WDPCP: variants seen among roughly 807,000 people sequenced by gnomAD.
The protein encoded by WDPCP is WD repeat containing planar cell polarity effector.
Under a neutral mutation model 93.1 loss-of-function variants are expected in WDPCP, and 71 were observed. The ratio of observed to expected loss-of-function variants is 0.76; its 90% CI spans 0.63 to 0.93. The LOEUF is 0.93. WDPCP is among the 40% of genes least tolerant of loss of function. WDPCP has a pLI of 0.00. For missense variants in WDPCP, 844 were observed against 887.4 expected (o/e 0.95, Z 0.62); for synonymous variants, 315 against 315.0 (o/e 1.00, Z 0.00).
At chr2:63,800,126 A>G (rs957447810) in intron 2 of WDPCP, among the ~76,000 whole-genome samples, 1 of 152,192 alleles carries the variant, frequency 6.6e-6, no homozygotes, top group Admixed American at 6.5e-5. Flanking sequence ...CACTGATCCC[A>G]AATAAGGCAT....
intron 10 of WDPCP, among the ~76,000 whole-genome samples, chr2:63,401,755 A>G (rs1440149908): frequency 6.6e-6 from 1 of 152,172 alleles, no homozygotes; most frequent in Admixed American, 6.5e-5. Context: ...CCGTGAGCTG[A>G]GATCACGCCA....
At chr2:63,607,093 A>C in intron 3 of WDPCP, 5 of 1,172,820 alleles carry the variant, frequency 4.3e-6, no homozygotes, top group Non-Finnish European at 5.9e-6. Context: ...CTTGTGAAAA[A>C]CAACACATTT....
intron 13 of WDPCP, among the ~76,000 whole-genome samples, chr2:63,292,153 AAAAAG>A (rs1280860814): frequency 1.1e-4 from 17 of 147,914 alleles, no homozygotes; most frequent in Admixed American, 6.0e-4. Flanking sequence ...AAAAAAAAAG[AAAAAG>A]AAAAGAAAAG....
intron 2 of WDPCP, among the ~76,000 whole-genome samples, chr2:63,778,193 C>T (rs1670332183): frequency 6.8e-6 from 1 of 146,096 alleles, no homozygotes; most frequent in African/African-American, 2.7e-5. Context: ...TTGTCTCTCC[C>T]TTGTCCACTT....
chr2:63,175,635 T>C (rs1040647292), intron 14 of WDPCP, among the ~76,000 whole-genome samples: 1 of 152,194 alleles, frequency 6.6e-6, no homozygotes, highest in African/African-American at 2.4e-5. Context: ...TTATTTTCTG[T>C]TTCTATGAAT....
At chr2:63,468,044 A>AC (rs1459810013) in intron 6 of WDPCP, among the ~76,000 whole-genome samples, 3 of 152,160 alleles carry the variant, frequency 2.0e-5, no homozygotes, top group African/African-American at 7.2e-5. Flanking sequence ...CCAACGACTG[A>AC]GCATCACTGG....
At chr2:63,822,870 GAT>G (rs948009921) in intron 1 of WDPCP, among the ~76,000 whole-genome samples, 130 of 150,392 alleles carry the variant, frequency 8.6e-4, no homozygotes, top group Non-Finnish European at 1.4e-3. Context: ...ATATATATTT[GAT>G]ATATATATTT....
rs992200808 is a variant in WDPCP, at chr2:63,823,669, C to CACACTCTCCCCCTAAAT, written n.222+3936_222+3952dup. Among the ~76,000 whole-genome samples, 7 of 152,210 alleles carry CACACTCTCCCCCTAAAT rather than the reference C, an allele frequency of 4.6e-5. No homozygotes were observed. The East Asian group carries it at 7.7e-4, about 17-fold the overall frequency. Reference sequence around the variant, plus strand: ...AAGTTGCAAACATCATAGACATCATCACACTCTCCCCCTAAATACACTCTC... The same window carrying CACACTCTCCCCCTAAAT: ...AAGTTGCAAACATCATAGACATCATCACACTCTCCCCCTAAATACACTCTCCCCCTAAATACACTCTC... On this transcript the variant is annotated intron_variant and non_coding_transcript_variant, in intron 1 of 4. Coordinates refer to the WDPCP transcript ENST00000467687.
chr2:63,266,613 C>G (rs1416716060), intron 13 of WDPCP, among the ~76,000 whole-genome samples: 1 of 152,170 alleles, frequency 6.6e-6, no homozygotes, highest in East Asian at 1.9e-4. Context: ...CAAGGCCAAC[C>G]TGGCCAAGAT....
intron 12 of WDPCP, among the ~76,000 whole-genome samples, chr2:63,354,674 G>C: frequency 6.6e-6 from 1 of 151,800 alleles, no homozygotes; most frequent in Non-Finnish European, 1.5e-5. Context: ...ATATATGTGT[G>C]TGTGTGTACA....
At chr2:63,190,733 G>T (rs1032158521) in intron 14 of WDPCP, among the ~76,000 whole-genome samples, 2 of 151,898 alleles carry the variant, frequency 1.3e-5, no homozygotes, top group African/African-American at 4.8e-5. Context: ...GGTTCTAGAT[G>T]TGACTAGTAC....
intron 14 of WDPCP, chr2:63,229,103 T>G (rs956442065): frequency 6.6e-6 from 1 of 152,230 alleles, no homozygotes; most frequent in African/African-American, 2.4e-5. Context: ...TGTTGTTTGC[T>G]GACTTTTTAA....
intron 14 of WDPCP, among the ~76,000 whole-genome samples, chr2:63,232,264 G>C (rs996434751): frequency 6.6e-6 from 1 of 152,164 alleles, no homozygotes; most frequent in South Asian, 2.1e-4. Context: ...TCAGACCATA[G>C]GCATGGCCAA....
chr2:63,374,564 AAGCC>A (rs1426438641), intron 12 of WDPCP, among the ~76,000 whole-genome samples: 2 of 152,158 alleles, frequency 1.3e-5, no homozygotes, highest in Non-Finnish European at 2.9e-5. Context: ...ATAACTGAAA[AAGCC>A]ATGTATACAT....
At chr2:63,723,722 A>C (rs1277796441) in intron 2 of WDPCP, among the ~76,000 whole-genome samples, 1 of 152,230 alleles carries the variant, frequency 6.6e-6, no homozygotes. Context: ...TTGCAGCACC[A>C]CTGAGATCTT....
intron 17 of WDPCP, among the ~76,000 whole-genome samples, chr2:63,136,420 C>G (rs1670623041): frequency 6.6e-6 from 1 of 151,850 alleles, no homozygotes; most frequent in African/African-American, 2.4e-5. Context: ...GAGAAAGAGA[C>G]AATCTATTAT....
intron 13 of WDPCP, among the ~76,000 whole-genome samples, chr2:63,279,367 TCATCTCAATAAATG>T (rs1683334597): frequency 6.6e-6 from 1 of 152,208 alleles, no homozygotes; most frequent in South Asian, 2.1e-4. Flanking sequence ...AATCACATGA[TCATCTCAATAAATG>T]CAGAAAAAGG....
intron 1 of WDPCP, among the ~76,000 whole-genome samples, chr2:63,575,897 A>C (rs1006043223): frequency 7.9e-5 from 12 of 152,076 alleles, no homozygotes; most frequent in African/African-American, 2.9e-4. Flanking sequence ...TGGCATTTTA[A>C]CTCTTCATCT....
At chr2:63,240,764 A>T (rs1181599967) in intron 14 of WDPCP, among the ~76,000 whole-genome samples, 1 of 152,166 alleles carries the variant, frequency 6.6e-6, no homozygotes, top group Non-Finnish European at 1.5e-5. Context: ...GCAGAGAAAG[A>T]GGTTTGAGAC....
Sources: allele counts gnomAD v4.1 joint callset (sites outside exome capture counted in the v4.1 genomes callset), GRCh38; gene constraint gnomAD v4.1.1; transcripts MANE v1.5; gene names NCBI Gene and HGNC (gene_info 2026-07-23, HGNC 2026-07-21).